The following ZBTB41 variants were observed in gnomAD, a reference collection of about 807,000 sequenced individuals.
ZBTB41 encodes zinc finger and BTB domain containing 41, also known as zinc finger and BTB domain-containing protein 41.
A neutral mutation model predicts 87.6 loss-of-function variants in ZBTB41; 42 were observed. That is an observed-to-expected ratio of 0.48 (90% CI 0.37 to 0.62). ZBTB41 has a LOEUF of 0.62. Among genes scored for constraint, ZBTB41 ranks in the 20% least tolerant of loss-of-function variants. The pLI is 0.00. For missense variants in ZBTB41, 799 were observed against 1,078.9 expected, an observed-to-expected ratio of 0.74 and a Z score of 3.63; for synonymous variants, 364 against 364.0, an observed-to-expected ratio of 1.00 and a Z score of 0.00.
At chr1:197,171,223 C>T (rs936348309) in intron 10 of ZBTB41, among the ~76,000 whole-genome samples, 2 of 152,050 alleles carry the variant, frequency 1.3e-5, no homozygotes, top group African/African-American at 2.4e-5. Flanking sequence ...CCATCAAGTT[C>T]GTTTCCTCAT....
At chr1:197,162,306 G>C (rs1659221833) in intron 10 of ZBTB41, among the ~76,000 whole-genome samples, 1 of 152,136 alleles carries the variant, frequency 6.6e-6, no homozygotes. Context: ...TCTACAGTGA[G>C]AGTTTCTATG....
rs1281814776 is a variant in ZBTB41 at position 197,153,977 on chromosome 1, T to A, written c.*5382A>T. 6.6e-6 allele frequency: 1 copy of A among 152,560 alleles called. No individual in the cohort carries two copies. Among genetic ancestry groups the A allele is most frequent in the Non-Finnish European group, 1.5e-5 (1 of 68,000 alleles). 9.5% of individuals were successfully genotyped at this position (152,560 alleles called of 1,614,324 possible). On this transcript the variant is annotated 3_prime_UTR_variant, in exon 11 of 11. Coordinates refer to ENST00000367405, the MANE Select transcript of ZBTB41 (RefSeq NM_194314.3). ...AAACAAGTGCAAAAGCATTTCTACT[T>A]TAATATACACTGTAAATCCCCATAA...
At chr1:197,166,051 G>C (rs895212598) in intron 10 of ZBTB41, among the ~76,000 whole-genome samples, 2 of 152,214 alleles carry the variant, frequency 1.3e-5, no homozygotes, top group South Asian at 4.1e-4. Flanking sequence ...GGGATGGGGG[G>C]GCCTGGGGAG....
At chr1:197,192,493 C>T (rs1268495046) in intron 2 of ZBTB41, among the ~76,000 whole-genome samples, 3 of 152,034 alleles carry the variant, frequency 2.0e-5, no homozygotes, top group South Asian at 2.1e-4. Context: ...ACAACAGTGT[C>T]GAACACATAA....
chr1:197,159,844 T>C lies in ZBTB41; in HGVS notation c.2245A>G (p.Ile749Val). Reference sequence around the variant, plus strand: ...CTGAGAGGATCATCAGGAGATTTTATTTCATGAACATGGTCAATGTGGTAT... The same window carrying C: ...CTGAGAGGATCATCAGGAGATTTTACTTCATGAACATGGTCAATGTGGTAT... ...LKYHIDHVHE[I>V]KSPDDPLSTS... The change falls in exon 11 of 11, where the codon ATA becomes GTA. Residue 749 changes from isoleucine to valine, a missense_variant. By Grantham distance (29) the Ile-to-Val change is conservative. Around this residue, in one of 5 missense-constraint regions of ZBTB41, gnomAD observed 171 missense variants for 191.9 expected, o/e 0.89. Coordinates refer to ENST00000367405, the MANE Select transcript of ZBTB41 (RefSeq NM_194314.3). The C allele has an allele frequency of 6.2e-7, 1 of 1,613,994 alleles. No individual in the cohort carries two copies. The highest frequency in any genetic ancestry group is 8.5e-7 in the Non-Finnish European group (1 of 1,179,898).
At position 197,181,081 on chromosome 1, in the gene ZBTB41, T is replaced by G; in HGVS notation, c.1583A>C (p.Asn528Thr). 6.2e-7 allele frequency: 1 copy of G among 1,603,868 alleles called. No individual in the cohort carries two copies. The highest frequency in any genetic ancestry group is 8.5e-7 in the Non-Finnish European group (1 of 1,177,676). The change falls in exon 6 of 11, where the codon AAC becomes ACC. Residue 528 changes from asparagine (N) to threonine (T), a missense_variant. Asn to Thr is a moderately conservative substitution (Grantham distance 65). This residue lies in a region of ZBTB41 where 198 missense variants were observed against 358.4 expected (regional missense o/e 0.55). Transcript: ENST00000367405. ...FPCDICGRQF[N>T]DTGNLKRHIE... ...ATGACGTTTCAAATTTCCAGTGTCG[T>G]TAAACTGGCGACCACATATATCACA...
At chr1:197,168,914 A>T (rs904496084) in intron 10 of ZBTB41, among the ~76,000 whole-genome samples, 1 of 152,110 alleles carries the variant, frequency 6.6e-6, no homozygotes, top group African/African-American at 2.4e-5. Context: ...ATTTTTAAAA[A>T]TGAGTACAAG....
chr1:197,178,642 A>G (rs1659669304), intron 6 of ZBTB41, 130 bp from the exon 7 acceptor site: 1 of 578,952 alleles, frequency 1.7e-6, no homozygotes, highest in Admixed American at 3.9e-5. Flanking sequence ...TCTTACAATA[A>G]TTTTGTTCTT....
chr1:197,183,880 T>C (rs1468055772), intron 5 of ZBTB41, among the ~76,000 whole-genome samples: 1 of 152,186 alleles, frequency 6.6e-6, no homozygotes, highest in Non-Finnish European at 1.5e-5. Context: ...CAACCACTTC[T>C]GAAGAATGCC....
intron 8 of ZBTB41, chr1:197,175,835 A>T (rs1659592038): frequency 6.6e-6 from 1 of 151,950 alleles, no homozygotes; most frequent in South Asian, 2.1e-4. Flanking sequence ...TGGTGAAAAC[A>T]ACTGCAACCT....
At chr1:197,190,069 C>T (rs368134565) in intron 4 of ZBTB41, among the ~76,000 whole-genome samples, 2 of 152,154 alleles carry the variant, frequency 1.3e-5, no homozygotes, top group African/African-American at 4.8e-5. Context: ...CAGGCATGTG[C>T]CACCATGCCC....
chr1:197,183,724 T>C (rs1408521932), intron 5 of ZBTB41, among the ~76,000 whole-genome samples: 1 of 152,192 alleles, frequency 6.6e-6, no homozygotes, highest in African/African-American at 2.4e-5. Flanking sequence ...ATGTCGAATG[T>C]ACTTTCCTTG....
intron 8 of ZBTB41, among the ~76,000 whole-genome samples, chr1:197,175,433 T>TATATATATATATATATATATAC (rs1260501185): frequency 7.5e-6 from 1 of 133,062 alleles, no homozygotes; most frequent in East Asian, 2.3e-4. Context: ...GAATTTTAAA[T>TATATATATATATATATATATAC]ATATATATAT....
intron 6 of ZBTB41, among the ~76,000 whole-genome samples, chr1:197,179,958 G>A (rs1441737834): frequency 6.6e-6 from 1 of 151,936 alleles, no homozygotes; most frequent in Non-Finnish European, 1.5e-5. Flanking sequence ...TACATTTAGT[G>A]AAACCTAAAT....
intron 10 of ZBTB41, among the ~76,000 whole-genome samples, chr1:197,163,164 G>C (rs1461145845): frequency 6.6e-6 from 1 of 152,092 alleles, no homozygotes; most frequent in Non-Finnish European, 1.5e-5. Flanking sequence ...ATCAGAAGTA[G>C]CCAGAAACAA....
intron 2 of ZBTB41, among the ~76,000 whole-genome samples, chr1:197,196,928 T>C (rs1660178227): frequency 7.4e-6 from 1 of 134,826 alleles, no homozygotes; most frequent in Non-Finnish European, 1.6e-5. Flanking sequence ...CTTAGTCTTC[T>C]ATACTTATCC....
Position 197,164,738 on chromosome 1 carries a change from CTAATA to C in ZBTB41, c.2075-4729_2075-4725del, listed in dbSNP as rs200762893. Among the ~76,000 whole-genome samples, 308 of 106,596 alleles carry C rather than the reference CTAATA, an allele frequency of 2.9e-3. 16 individuals are homozygous for C. Among genetic ancestry groups the C allele is most frequent in the South Asian group, 0.01 (34 of 3,286 alleles). 69.9% of individuals were successfully genotyped at this position (106,596 alleles called of 152,430 possible). A position where few individuals can be genotyped will look rare whatever the true frequency, so the allele number is the denominator to read the frequency against. On this transcript the variant is annotated intron_variant, in intron 10 of 10. Transcript: ENST00000367405. Reference sequence around the variant, plus strand: ...TATATATATTATATATAATACGTATCTAATATATTATATATATTATATATAATACA... The same window carrying C: ...TATATATATTATATATAATACGTATCTATTATATATATTATATATAATACA...
In ZBTB41 at chr1:197,187,218, G is replaced by A. The variant is rs201144332; in HGVS notation, c.1546+1074C>T. 5.3e-5 allele frequency among the ~76,000 whole-genome samples: 8 copies of A among 152,286 alleles called. No homozygotes were observed. The East Asian group carries it at 1.4e-3, about 26-fold the overall frequency. On this transcript the variant is annotated intron_variant, in intron 5 of 10. Coordinates refer to ENST00000367405, the MANE Select transcript of ZBTB41 (RefSeq NM_194314.3). ...TCCAAGGTATTTAACCAAAGGAATT[G>A]AAAATCTAAGTCTACATAAAAGCCT...
rs1659569842 is a variant in ZBTB41 at position 197,175,070 on chromosome 1, C to T, written c.1925G>A (p.Arg642His). The T allele has an allele frequency of 3.1e-6, 5 of 1,611,134 alleles. No homozygotes were observed. The highest frequency in any genetic ancestry group is 3.4e-6 in the Non-Finnish European group (4 of 1,178,340). Residue 642 changes from arginine (R) to histidine (H), a missense_variant, in exon 9 of 11, where the codon CGT (arginine) becomes CAT (histidine). Around this residue, in one of 5 missense-constraint regions of ZBTB41, gnomAD observed 198 missense variants for 358.4 expected, o/e 0.55. Coordinates refer to ENST00000367405, the MANE Select transcript of ZBTB41 (RefSeq NM_194314.3). ...GTAATGAACAGTGAGATGATCCCTA[C>T]GACCAAAACATTTTCCACATTCTTC... Reference protein sequence around the residue: ...QCEECGKCFGRRDHLTVHYKS... With the variant: ...QCEECGKCFGHRDHLTVHYKS...
Sources: allele counts gnomAD v4.1 joint callset (sites outside exome capture counted in the v4.1 genomes callset), GRCh38; gene constraint gnomAD v4.1.1; regional missense constraint gnomAD v4.1.1; transcripts MANE v1.5; gene names NCBI Gene and HGNC (gene_info 2026-07-23, HGNC 2026-07-21).